TACR1: variants seen among roughly 807,000 people sequenced by gnomAD.
TACR1 encodes the protein tachykinin receptor 1.
Under a neutral mutation model 35.8 loss-of-function variants are expected in TACR1, and 25 were observed. The observed-to-expected ratio is 0.70, with a 90% confidence interval of 0.51 to 0.98. The LOEUF (loss-of-function observed/expected upper bound fraction) is 0.98. Among genes scored for constraint, TACR1 ranks in the 50% least tolerant of loss-of-function variants. TACR1 has a pLI of 0.00. For synonymous variants in TACR1, 195 were observed against 206.7 expected (o/e 0.94, Z 0.48); for missense variants, 478 against 522.9 (o/e 0.91, Z 0.84).
At chr2:75,108,409 A>G (rs1673691036) in intron 2 of TACR1, among the ~76,000 whole-genome samples, 1 of 152,192 alleles carries the variant, frequency 6.6e-6, no homozygotes, top group Non-Finnish European at 1.5e-5. Flanking sequence ...AGATGCTGAT[A>G]TATTTTTACA....
At chr2:75,127,392 AT>A (rs1257055438) in intron 1 of TACR1, among the ~76,000 whole-genome samples, 1 of 152,210 alleles carries the variant, frequency 6.6e-6, no homozygotes, top group Non-Finnish European at 1.5e-5. Context: ...TTGTTTATTA[AT>A]ATTAGCAGCA....
At chr2:75,080,456 A>C (rs1052829253) in intron 2 of TACR1, among the ~76,000 whole-genome samples, 2 of 152,144 alleles carry the variant, frequency 1.3e-5, no homozygotes, top group African/African-American at 4.8e-5. Flanking sequence ...TCACTGTCCC[A>C]TTGGGTCAGT....
rs1042537841 is a variant in TACR1, at chr2:75,046,495, A to G, written c.*2937T>C. ...ACACATACTTTATTTCTGTATAAAG[A>G]TTCTTTCCAGGAGACCAGGCTGGAA... is the stretch of plus-strand genomic sequence containing the variant. On this transcript the variant is annotated 3_prime_UTR_variant, in exon 5 of 5. Coordinates refer to ENST00000305249, the MANE Select transcript of TACR1 (RefSeq NM_001058.4). 1.3e-5 allele frequency: 2 copies of G among 152,210 alleles called. No individual in the cohort carries two copies. The highest frequency in any genetic ancestry group is 6.5e-5 in the Admixed American group (1 of 15,274). The allele number at this position is 152,210 out of a possible 1,614,324, so 9.4% of individuals were successfully genotyped here. A position where few individuals can be genotyped will look rare whatever the true frequency, so the allele number is the denominator to read the frequency against.
chr2:75,186,389 A>AG (rs1359601414), intron 1 of TACR1, among the ~76,000 whole-genome samples: 30 of 151,274 alleles, frequency 2.0e-4, no homozygotes, highest in African/African-American at 6.0e-4. Context: ...AAAAAAAAAA[A>AG]AAAGAAAGAA....
intron 4 of TACR1, 159 bp downstream of exon 4, chr2:75,051,092 A>G: frequency 1.1e-6 from 1 of 889,086 alleles, no homozygotes; most frequent in South Asian, 1.7e-5. Context: ...GGATGGTGAT[A>G]ATCAGCCAGG....
At chr2:75,137,009 G>A (rs769009426) in intron 1 of TACR1, among the ~76,000 whole-genome samples, 1 of 152,188 alleles carries the variant, frequency 6.6e-6, no homozygotes, top group African/African-American at 2.4e-5. Flanking sequence ...TGGTCTCTTG[G>A]CCTGGGCTTC....
intron 1 of TACR1, among the ~76,000 whole-genome samples, chr2:75,138,897 G>A (rs1674348479): frequency 6.6e-6 from 1 of 152,120 alleles, no homozygotes; most frequent in East Asian, 1.9e-4. Context: ...TTATGAGAGT[G>A]ATGCATAGCA....
chr2:75,109,869 C>G (rs964539383), intron 2 of TACR1, among the ~76,000 whole-genome samples: 3 of 152,020 alleles, frequency 2.0e-5, no homozygotes, highest in African/African-American at 7.2e-5. Context: ...TAGTAAGGGA[C>G]ACGGAAAGTA....
chr2:75,195,982 A>G (rs1171620696), intron 1 of TACR1, among the ~76,000 whole-genome samples: 1 of 152,176 alleles, frequency 6.6e-6, no homozygotes, highest in Non-Finnish European at 1.5e-5. Flanking sequence ...AAAGGTTAGC[A>G]GGTGTTGCTT....
Position 75,049,596 on chromosome 2 carries a change from G to T in TACR1, c.1060C>A (p.Leu354Met), listed in dbSNP as rs199913774. 5.7e-5 allele frequency: 92 copies of T among 1,614,020 alleles called. No homozygotes were observed. The highest frequency in any genetic ancestry group is 7.8e-5 in the Non-Finnish European group (92 of 1,180,004). The change falls in exon 5 of 5, where the codon CTG (leucine) becomes ATG (methionine). Residue 354 changes from leucine to methionine, a missense_variant. Leu to Met is a conservative substitution (Grantham distance 15). Transcript: ENST00000305249. ...ACCACTGTGGAGATGGTGGTCTCCAGGCGGCTGACTTTGTACACACTGCCC... is the reference window on the plus strand; with the variant it reads ...ACCACTGTGGAGATGGTGGTCTCCATGCGGCTGACTTTGTACACACTGCCC... Reference protein sequence around the residue: ...TQGSVYKVSRLETTISTVVGA... With the variant: ...TQGSVYKVSRMETTISTVVGA...
At chr2:75,090,837 G>C (rs1009596672) in intron 2 of TACR1, 1 of 153,834 alleles carries the variant, frequency 6.5e-6, no homozygotes, top group African/African-American at 2.4e-5. Context: ...TGTGGTCCCA[G>C]TTCAGAAGTG....
chr2:75,082,503 G>A (rs1673109330), intron 2 of TACR1, among the ~76,000 whole-genome samples: 1 of 152,216 alleles, frequency 6.6e-6, no homozygotes, highest in Non-Finnish European at 1.5e-5. Flanking sequence ...TCGCCACACT[G>A]TCTTCCACAA....
At chr2:75,139,131 A>C (rs1333871356) in intron 1 of TACR1, among the ~76,000 whole-genome samples, 3 of 152,238 alleles carry the variant, frequency 2.0e-5, no homozygotes, top group Admixed American at 1.3e-4. Context: ...AAATGAAATT[A>C]ACATTTGTTT....
intron 2 of TACR1, among the ~76,000 whole-genome samples, chr2:75,083,685 G>C (rs1209199588): frequency 6.6e-6 from 1 of 152,140 alleles, no homozygotes; most frequent in Non-Finnish European, 1.5e-5. Flanking sequence ...TCTCTTTGAA[G>C]CAATTGTGAA....
chr2:75,177,615 C>T (rs1031411736), intron 1 of TACR1, among the ~76,000 whole-genome samples: 8 of 152,136 alleles, frequency 5.3e-5, no homozygotes, highest in African/African-American at 1.9e-4. Flanking sequence ...TATCTTCTAT[C>T]TCCTACCCAC....
chr2:75,198,755 G>C lies in TACR1; in HGVS notation c.180C>G (p.His60Gln), dbSNP rs1676058649. 1 of 1,614,190 alleles carries C rather than the reference G, an allele frequency of 6.2e-7. No individual in the cohort carries two copies. Among genetic ancestry groups the C allele is most frequent in the South Asian group, 1.1e-5 (1 of 91,082 alleles). ...AGTTCGTCACTGTCCTCATTCTTTT[G>C]TGGGCTAAGATGATCCACATCACTA... is the stretch of plus-strand genomic sequence containing the variant. ...NVVVMWIILA[H>Q]KRMRTVTNYF... is the part of the protein sequence containing the mutation. Residue 60 changes from histidine to glutamine, a missense_variant, in exon 1 of 5, where the codon CAC (histidine) becomes CAG (glutamine). Coordinates refer to ENST00000305249, the MANE Select transcript of TACR1 (RefSeq NM_001058.4).
chr2:75,179,596 T>C (rs752066870), intron 1 of TACR1, among the ~76,000 whole-genome samples: 1 of 152,246 alleles, frequency 6.6e-6, no homozygotes, highest in Admixed American at 6.5e-5. Context: ...GCCCACATTT[T>C]CCAGAGCCCT....
intron 2 of TACR1, among the ~76,000 whole-genome samples, chr2:75,114,033 A>T (rs1673805071): frequency 6.6e-6 from 1 of 152,222 alleles, no homozygotes; most frequent in African/African-American, 2.4e-5. Context: ...TAATATACAA[A>T]AGATGAAGTA....
At position 75,138,500 on chromosome 2, in the gene TACR1, A is replaced by G. The variant is rs1165870030; in HGVS notation, c.390-17732T>C. Among the ~76,000 whole-genome samples the G allele has an allele frequency of 4.6e-5, 7 of 152,326 alleles. No homozygotes were observed. In the East Asian group the frequency reaches 1.3e-3, roughly 29 times the overall value. ...CAGGGCTGAATTGGTTCTTTCCATG[A>G]AGAAGTTCCATTTTCTTGACTCGAA... On this transcript the variant is annotated intron_variant, in intron 1 of 4. Coordinates refer to ENST00000305249, the MANE Select transcript of TACR1 (RefSeq NM_001058.4).
Sources: gnomAD v4.1 joint callset for allele counts (sites outside exome capture counted in the v4.1 genomes callset) on GRCh38, gnomAD v4.1.1 for gene constraint, MANE v1.5 for transcripts, NCBI Gene and HGNC (gene_info 2026-07-23, HGNC 2026-07-21) for gene names.